Variants in GRB14 observed in about 807,000 individuals in gnomAD.
GRB14 encodes growth factor receptor bound protein 14.
GRB14 carries 38 observed loss-of-function variants against 69.1 expected under a neutral mutation model. The ratio of observed to expected loss-of-function variants is 0.55; its 90% CI spans 0.42 to 0.72. The LOEUF is 0.72. Ranked by LOEUF, GRB14 falls within the 30% of genes least tolerant of loss-of-function variation. The probability of loss-of-function intolerance (pLI) is 0.00; values close to 1 mark genes in which losing one functional copy is unlikely to be tolerated. For missense variants in GRB14, 666 were observed against 666.1 expected, an observed-to-expected ratio of 1.00 and a Z score of 0.00; for synonymous variants, 247 against 241.3, an observed-to-expected ratio of 1.02 and a Z score of -0.22.
intron 6 of GRB14, among the ~76,000 whole-genome samples, chr2:164,519,883 C>T (rs1216181687): frequency 6.6e-6 from 1 of 151,922 alleles, no homozygotes; most frequent in Non-Finnish European, 1.5e-5. Flanking sequence ...CAAATGGAAA[C>T]ACAGCCCATG....
intron 8 of GRB14, among the ~76,000 whole-genome samples, chr2:164,505,173 G>A (rs964445839): frequency 1.3e-5 from 2 of 152,112 alleles, no homozygotes; most frequent in African/African-American, 4.8e-5. Context: ...AGCAGTCATA[G>A]AAAACCAACA....
chr2:164,509,753 C>A (rs1356854059), intron 6 of GRB14, among the ~76,000 whole-genome samples: 6 of 147,394 alleles, frequency 4.1e-5, no homozygotes, highest in African/African-American at 1.5e-4. Flanking sequence ...TTAACAAGAT[C>A]CCAGGTGATT....
At chr2:164,600,834 A>G (rs767462099) in intron 2 of GRB14, among the ~76,000 whole-genome samples, 15 of 152,260 alleles carry the variant, frequency 9.9e-5, no homozygotes, top group Admixed American at 2.6e-4. Flanking sequence ...TGCTTTTAAG[A>G]CCCAGTATTC....
chr2:164,564,516 C>T (rs1316883453), intron 2 of GRB14, among the ~76,000 whole-genome samples: 1 of 152,164 alleles, frequency 6.6e-6, no homozygotes, highest in Non-Finnish European at 1.5e-5. Context: ...GGAATTAGAT[C>T]TTCTCATAAA....
intron 2 of GRB14, among the ~76,000 whole-genome samples, chr2:164,575,581 CTGCTT>C (rs1396145267): frequency 6.6e-5 from 10 of 152,070 alleles, no homozygotes; most frequent in Non-Finnish European, 1.0e-4. Context: ...TATAAACTGA[CTGCTT>C]TGCTAACTAA....
At chr2:164,589,111 G>A (rs1164955871) in intron 2 of GRB14, among the ~76,000 whole-genome samples, 1 of 152,082 alleles carries the variant, frequency 6.6e-6, no homozygotes, top group Non-Finnish European at 1.5e-5. Flanking sequence ...GAGTACTCTT[G>A]TAGTCAATGT....
At chr2:164,617,217 GA>G (rs1026531730) in intron 2 of GRB14, among the ~76,000 whole-genome samples, 1 of 152,128 alleles carries the variant, frequency 6.6e-6, no homozygotes, top group Non-Finnish European at 1.5e-5. Context: ...AGATCAGCAA[GA>G]AGGGCCCTTC....
At chr2:164,590,311 G>A (rs1262917418) in intron 2 of GRB14, among the ~76,000 whole-genome samples, 1 of 151,932 alleles carries the variant, frequency 6.6e-6, no homozygotes, top group African/African-American at 2.4e-5. Flanking sequence ...ATACTGTCAA[G>A]GAATTAAGAC....
In GRB14 at chr2:164,621,008, T is replaced by C. The variant is rs1690444872; in HGVS notation, c.191+111A>G. The C allele has an allele frequency of 1.1e-6, 1 of 950,178 alleles. No individual in the cohort carries two copies. Among genetic ancestry groups the C allele is most frequent in the Non-Finnish European group, 1.4e-6 (1 of 726,422 alleles). The allele number at this position is 950,178 out of a possible 1,614,324, so 58.9% of individuals were successfully genotyped here. On this transcript the variant is annotated intron_variant, in intron 1 of 13. Coordinates refer to ENST00000263915, the MANE Select transcript of GRB14 (RefSeq NM_004490.3). The surrounding 1 kb of genome is among the most constrained non-coding windows in gnomAD (Gnocchi z 6.0). ...AAAGGGGATTGTCTTCAGAGACTTT[T>C]ACAAACTTGGCCCAGCTCTGGGCAC...
chr2:164,544,052 G>C (rs1400630777), intron 3 of GRB14, among the ~76,000 whole-genome samples: 11 of 152,102 alleles, frequency 7.2e-5, no homozygotes, highest in Non-Finnish European at 1.2e-4. Flanking sequence ...AACACAAGAA[G>C]GCTCTGGAAA....
Position 164,619,672 on chromosome 2 carries a change from T to G in GRB14, c.324+15A>C. ...CTCCTAAGATTTTTGAAATTTAAAA[T>G]TTAAAAATGCATACCTGTTTTTTCC... is the stretch of plus-strand genomic sequence containing the variant. On this transcript the variant is annotated intron_variant, in intron 2 of 13. Transcript: ENST00000263915. 6.4e-7 allele frequency: 1 copy of G among 1,561,980 alleles called. No individual in the cohort carries two copies. Among genetic ancestry groups the G allele is most frequent in the Non-Finnish European group, 8.6e-7 (1 of 1,158,634 alleles).
intron 3 of GRB14, among the ~76,000 whole-genome samples, chr2:164,532,451 TG>T (rs1687966456): frequency 6.6e-6 from 1 of 152,196 alleles, no homozygotes; most frequent in Admixed American, 6.5e-5. Flanking sequence ...CTGTAAATGT[TG>T]CCTTATGTGG....
chr2:164,500,697 T>C (rs1420074915), intron 9 of GRB14, among the ~76,000 whole-genome samples: 6 of 152,096 alleles, frequency 3.9e-5, no homozygotes, highest in African/African-American at 1.4e-4. Context: ...ACAGGATGGT[T>C]CTTTACCACA....
intron 2 of GRB14, among the ~76,000 whole-genome samples, chr2:164,596,036 A>G (rs1048818877): frequency 6.6e-6 from 1 of 152,182 alleles, no homozygotes; most frequent in Non-Finnish European, 1.5e-5. Context: ...AGGCAGGAGA[A>G]TCGCTTGAAC....
chr2:164,551,939 T>G (rs570679454), intron 2 of GRB14, among the ~76,000 whole-genome samples: 1 of 152,356 alleles, frequency 6.6e-6, no homozygotes. Flanking sequence ...GGTGCTGGCA[T>G]CTGCTTCTGG....
intron 2 of GRB14, among the ~76,000 whole-genome samples, chr2:164,579,831 C>A (rs963649734): frequency 6.6e-6 from 1 of 152,064 alleles, no homozygotes; most frequent in African/African-American, 2.4e-5. Context: ...CAATCTTGAT[C>A]TCTAGGAAGG....
intron 3 of GRB14, among the ~76,000 whole-genome samples, chr2:164,546,971 A>G (rs1688396038): frequency 6.6e-6 from 1 of 152,202 alleles, no homozygotes; most frequent in African/African-American, 2.4e-5. Flanking sequence ...CCATTTGGAA[A>G]GTGCAGTGCT....
chr2:164,510,628 C>T (rs1687315149), intron 6 of GRB14, among the ~76,000 whole-genome samples: 1 of 152,036 alleles, frequency 6.6e-6, no homozygotes, highest in African/African-American at 2.4e-5. Context: ...CCTATCCTCC[C>T]CCAAGCAGGA....
intron 6 of GRB14, among the ~76,000 whole-genome samples, chr2:164,511,521 C>T (rs757553650): frequency 1.3e-5 from 2 of 152,116 alleles, no homozygotes; most frequent in African/African-American, 4.8e-5. Flanking sequence ...AGGGAACCCA[C>T]TGCCTTGAAG....
Sources: gnomAD v4.1 joint callset for allele counts (sites outside exome capture counted in the v4.1 genomes callset) on GRCh38, gnomAD v4.1.1 for gene constraint, Gnocchi (gnomAD v3.1) non-coding constraint, MANE v1.5 for transcripts, NCBI Gene and HGNC (gene_info 2026-07-23, HGNC 2026-07-21) for gene names.